CFAP95: variants seen among roughly 807,000 people sequenced by gnomAD.
The protein encoded by CFAP95 is cilia and flagella associated protein 95.
chr9:69,845,091 C>T, the CFAP95 span, among the ~76,000 whole-genome samples: 2 of 152,148 alleles, frequency 1.3e-5, no homozygotes, highest in East Asian at 1.9e-4. Context: ...TCTTTGGTTT[C>T]AAGTGTTTTG....
At chr9:69,891,020 T>C in the CFAP95 span, among the ~76,000 whole-genome samples, 1 of 152,134 alleles carries the variant, frequency 6.6e-6, no homozygotes, top group Non-Finnish European at 1.5e-5. Flanking sequence ...AAAGATACCT[T>C]CTCTTGAAAG....
the CFAP95 span, among the ~76,000 whole-genome samples, chr9:69,853,462 T>C: frequency 1.3e-5 from 2 of 152,236 alleles, no homozygotes; most frequent in African/African-American, 2.4e-5. Context: ...TAGATTTTAT[T>C]ATGTAAATTA....
chr9:69,822,985 A>G, the CFAP95 span, among the ~76,000 whole-genome samples: 1 of 152,368 alleles, frequency 6.6e-6, no homozygotes, highest in East Asian at 1.9e-4. Flanking sequence ...TAGGAAAATC[A>G]TAAGTTGTCA....
chr9:69,858,727 A>AATG, the CFAP95 span, among the ~76,000 whole-genome samples: 1 of 152,234 alleles, frequency 6.6e-6, no homozygotes, highest in African/African-American at 2.4e-5. Context: ...CACTAAGATC[A>AATG]ATGGTTCAAT....
chr9:69,880,282 A>G, the CFAP95 span, among the ~76,000 whole-genome samples: 1 of 151,984 alleles, frequency 6.6e-6, no homozygotes, highest in African/African-American at 2.4e-5. Context: ...CCACCTCCCC[A>G]CTATGCCATC....
chr9:69,869,460 A>G, the CFAP95 span, among the ~76,000 whole-genome samples: 33 of 152,138 alleles, frequency 2.2e-4, no homozygotes, highest in Non-Finnish European at 4.4e-4. Context: ...GGTGGGAGAA[A>G]TAGAGAGATG....
the CFAP95 span, among the ~76,000 whole-genome samples, chr9:69,856,891 A>G: frequency 1.4e-5 from 2 of 147,886 alleles, no homozygotes; most frequent in Admixed American, 1.4e-4. Context: ...TTCTGGGCCC[A>G]GCTAAAATGC....
the CFAP95 span, among the ~76,000 whole-genome samples, chr9:69,831,769 G>A: frequency 6.6e-6 from 1 of 152,296 alleles, no homozygotes; most frequent in East Asian, 1.9e-4. Flanking sequence ...TTCCAACCGA[G>A]AGCAGTACTA....
chr9:69,887,675 C>T, the CFAP95 span, among the ~76,000 whole-genome samples: 1 of 152,158 alleles, frequency 6.6e-6, no homozygotes, highest in Non-Finnish European at 1.5e-5. Flanking sequence ...GATGGCAGAC[C>T]TTCCTGTTGG....
At chr9:69,825,742 C>T in the CFAP95 span, among the ~76,000 whole-genome samples, 7 of 152,298 alleles carry the variant, frequency 4.6e-5, no homozygotes, top group South Asian at 1.5e-3. Context: ...TTACCCTTAA[C>T]AAATTCTCTC....
chr9:69,886,950 G>C, the CFAP95 span: 1 of 1,379,054 alleles, frequency 7.3e-7, no homozygotes, highest in East Asian at 2.3e-5. Context: ...ATGATTATTT[G>C]CACCTAGTAT....
At chr9:69,821,084 G>A in the CFAP95 span, 1 of 1,589,598 alleles carries the variant, frequency 6.3e-7, no homozygotes, top group South Asian at 1.1e-5. Context: ...GAAAGAGAGG[G>A]GAAAGGATGG....
the CFAP95 span, among the ~76,000 whole-genome samples, chr9:69,849,888 T>C: frequency 6.6e-6 from 1 of 152,214 alleles, no homozygotes; most frequent in African/African-American, 2.4e-5. Context: ...CGTTCTAAAC[T>C]ATAGTCTTTT....
the CFAP95 span, among the ~76,000 whole-genome samples, chr9:69,901,193 A>G: frequency 2.7e-5 from 4 of 150,286 alleles, no homozygotes; most frequent in African/African-American, 9.9e-5. Flanking sequence ...GCTGGAGTGC[A>G]GTGGCGCGAT....
the CFAP95 span, among the ~76,000 whole-genome samples, chr9:69,878,427 C>T: frequency 6.6e-6 from 1 of 152,232 alleles, no homozygotes; most frequent in African/African-American, 2.4e-5. Context: ...CCTCTCCTGT[C>T]TTCCATATAA....
At chr9:69,859,778 C>T in the CFAP95 span, among the ~76,000 whole-genome samples, 1 of 152,174 alleles carries the variant, frequency 6.6e-6, no homozygotes, top group Non-Finnish European at 1.5e-5. Context: ...GATGGTCTAG[C>T]CTACTACACA....
At chr9:69,856,646 A>C in the CFAP95 span, 1 of 1,611,828 alleles carries the variant, frequency 6.2e-7, no homozygotes, top group Non-Finnish European at 8.5e-7. Flanking sequence ...TTGAATGAGG[A>C]AACAGTGAGC....
the CFAP95 span, among the ~76,000 whole-genome samples, chr9:69,879,774 G>A: frequency 6.6e-6 from 1 of 152,118 alleles, no homozygotes. Flanking sequence ...TCAGAATTAG[G>A]ACAATTGGCC....
chr9:69,868,662 C>CAAA, the CFAP95 span, among the ~76,000 whole-genome samples: 2 of 121,156 alleles, frequency 1.7e-5, no homozygotes, highest in Non-Finnish European at 3.4e-5. Flanking sequence ...ACTCTGTCTC[C>CAAA]AAAAAAAAAA....
Sources: allele counts gnomAD v4.1 joint callset (sites outside exome capture counted in the v4.1 genomes callset), GRCh38; gene constraint gnomAD v4.1.1; transcripts MANE v1.5; gene names NCBI Gene and HGNC (gene_info 2026-07-23, HGNC 2026-07-21).